The following PCDHGA12 variants were observed in gnomAD, a reference collection of about 807,000 sequenced individuals.
The protein encoded by PCDHGA12 is protocadherin gamma-A12.
In PCDHGA12, 43 loss-of-function variants were observed where a neutral mutation model predicts 61.1. That is an observed-to-expected ratio of 0.70 (90% CI 0.55 to 0.91). The LOEUF (loss-of-function observed/expected upper bound fraction) is 0.91, where lower values mean the gene tolerates loss of function less well. PCDHGA12 is among the 40% of genes least tolerant of loss of function. The pLI is 0.00. For missense variants in PCDHGA12, 1,236 were observed against 1,227.7 expected (o/e 1.01, Z -0.10); for synonymous variants, 520 against 542.9 (o/e 0.96, Z 0.59).
chr5:141,478,327 A>G lies in PCDHGA12; in HGVS notation c.2425-16480A>G, dbSNP rs149317962. The G allele has an allele frequency of 9.9e-6, 16 of 1,613,974 alleles. No homozygotes were observed. The African/African-American group carries it at 2.0e-4, about 20-fold the overall frequency. The stretch of plus-strand genomic sequence containing the variant: ...CCCCGGTGAGCTCACTGTACCGAAC[A>G]CCAGGGCCCTCCTTGCACGCGGACG... On this transcript the variant is annotated intron_variant, in intron 1 of 3. Transcript: ENST00000252085.
chr5:141,447,018 G>GT (rs1329161304), intron 1 of PCDHGA12, among the ~76,000 whole-genome samples: 6 of 142,194 alleles, frequency 4.2e-5, no homozygotes, highest in African/African-American at 1.6e-4. Context: ...GTTCAGTTTT[G>GT]TTTTGTTTTT....
Position 141,505,374 on chromosome 5 carries a change from C to T in PCDHGA12, c.2484-19C>T. The T allele has an allele frequency of 2.5e-6, 4 of 1,614,004 alleles. No homozygotes were observed. Among genetic ancestry groups the T allele is most frequent in the Non-Finnish European group, 2.5e-6 (3 of 1,179,944 alleles). On this transcript the variant is annotated intron_variant, in intron 2 of 3. Coordinates refer to ENST00000252085, the MANE Select transcript of PCDHGA12 (RefSeq NM_003735.3). Reference sequence around the variant, plus strand: ...TGCCGGCCTGGGAGTCTGTGCTCACCATCCTACTCTCTCCCCAGCTCCCAA... The same window carrying T: ...TGCCGGCCTGGGAGTCTGTGCTCACTATCCTACTCTCTCCCCAGCTCCCAA...
intron 1 of PCDHGA12, among the ~76,000 whole-genome samples, chr5:141,483,644 G>A (rs2099584188): frequency 6.8e-6 from 1 of 146,522 alleles, no homozygotes; most frequent in African/African-American, 2.7e-5. Context: ...AGAGGGGTGT[G>A]TGTTTGTGTG....
Position 141,485,606 on chromosome 5 carries a change from G to T in PCDHGA12, c.2425-9201G>T, listed in dbSNP as rs2099616630. On this transcript the variant is annotated intron_variant, in intron 1 of 3. Transcript: ENST00000252085. The surrounding 1 kb of genome is among the most constrained non-coding windows in gnomAD (Gnocchi z 5.7). ...GCAGCTGGACTTGGAAATTGGGGAG[G>T]CAGCTCCTCCAGGACAGCGTTTCCC... is the stretch of plus-strand genomic sequence containing the variant. 1.2e-6 allele frequency: 2 copies of T among 1,612,362 alleles called. No homozygotes were observed. The highest frequency in any genetic ancestry group is 4.5e-5 in the East Asian group (2 of 44,840).
chr5:141,445,303 G>A (rs145466142), intron 1 of PCDHGA12, among the ~76,000 whole-genome samples: 327 of 152,332 alleles, frequency 2.1e-3, no homozygotes, highest in African/African-American at 7.6e-3. Context: ...ATTCTCTTCA[G>A]TTTGTAGGTT....
intron 2 of PCDHGA12, among the ~76,000 whole-genome samples, chr5:141,500,148 G>A (rs936567158): frequency 6.6e-6 from 1 of 150,990 alleles, no homozygotes; most frequent in Non-Finnish European, 1.5e-5. Flanking sequence ...ACTTTTCTTT[G>A]TGTAATCAAA....
intron 2 of PCDHGA12, 35 bp from the exon 3 acceptor site, chr5:141,505,358 G>A (rs1156448862): frequency 6.2e-7 from 1 of 1,613,796 alleles, no homozygotes; most frequent in Non-Finnish European, 8.5e-7. Context: ...GTGCCGGCCT[G>A]GGAGTCTGTG....
intron 1 of PCDHGA12, among the ~76,000 whole-genome samples, chr5:141,442,633 C>A (rs1210890820): frequency 6.6e-6 from 1 of 152,158 alleles, no homozygotes; most frequent in Admixed American, 6.5e-5. Flanking sequence ...AGCAGCAAGA[C>A]CAAAGGCCTA....
intron 1 of PCDHGA12, among the ~76,000 whole-genome samples, chr5:141,456,625 C>T (rs544550965): frequency 4.6e-5 from 7 of 152,288 alleles, no homozygotes; most frequent in African/African-American, 1.4e-4. Flanking sequence ...AGATTTGCCT[C>T]TTCTTTACTA....
In PCDHGA12 at chr5:141,485,713, G is replaced by A. The variant is rs769162337; in HGVS notation, c.2425-9094G>A. The stretch of plus-strand genomic sequence containing the variant: ...TGAGCTCCAATGAACACTTTGCACT[G>A]GATGTGAAGAAGCGCAGCGACGGCA... On this transcript the variant is annotated intron_variant, in intron 1 of 3. Transcript: ENST00000252085. The surrounding 1 kb of genome is among the most constrained non-coding windows in gnomAD (Gnocchi z 5.7). 2 of 1,614,084 alleles carry A rather than the reference G, an allele frequency of 1.2e-6. No homozygotes were observed. The highest frequency in any genetic ancestry group is 1.3e-5 in the African/African-American group (1 of 74,942).
intron 1 of PCDHGA12, among the ~76,000 whole-genome samples, chr5:141,466,493 A>G (rs2099123402): frequency 6.6e-6 from 1 of 152,226 alleles, no homozygotes; most frequent in South Asian, 2.1e-4. Context: ...TTCTTTAATT[A>G]GAGCACAGAC....
chr5:141,454,081 T>C (rs1009599234), intron 1 of PCDHGA12, among the ~76,000 whole-genome samples: 2 of 152,198 alleles, frequency 1.3e-5, no homozygotes, highest in African/African-American at 4.8e-5. Flanking sequence ...ATGTTTTCAG[T>C]GAAATTTGAA....
chr5:141,498,053 G>A (rs2099781284), intron 2 of PCDHGA12, among the ~76,000 whole-genome samples: 1 of 152,204 alleles, frequency 6.6e-6, no homozygotes, highest in Non-Finnish European at 1.5e-5. Flanking sequence ...AAATAAATGT[G>A]AGACTGAAAC....
intron 1 of PCDHGA12, among the ~76,000 whole-genome samples, chr5:141,464,454 A>G (rs999305559): frequency 6.6e-6 from 1 of 151,542 alleles, no homozygotes; most frequent in Non-Finnish European, 1.5e-5. Context: ...TGTTGTTGTT[A>G]TTTTTGAAGT....
chr5:141,485,561 G>A lies in PCDHGA12; in HGVS notation c.2425-9246G>A. 1.9e-6 allele frequency: 3 copies of A among 1,613,008 alleles called. No homozygotes were observed. The highest frequency in any genetic ancestry group is 1.1e-5 in the South Asian group (1 of 91,026). ...AGAGATCGTAGATGTGAATGATCACGCCCCCCGTTTTCCGCGGCAGCAGCT... is the reference window on the plus strand; with the variant it reads ...AGAGATCGTAGATGTGAATGATCACACCCCCCGTTTTCCGCGGCAGCAGCT... On this transcript the variant is annotated intron_variant, in intron 1 of 3. Transcript: ENST00000252085. The surrounding 1 kb of genome is among the most constrained non-coding windows in gnomAD (Gnocchi z 5.7).
intron 1 of PCDHGA12, among the ~76,000 whole-genome samples, chr5:141,464,749 T>A (rs1026757405): frequency 6.6e-6 from 1 of 152,216 alleles, no homozygotes; most frequent in African/African-American, 2.4e-5. Context: ...ATCTTTTTGT[T>A]TTTTTAGAGA....
At chr5:141,458,132 G>C (rs2098938269) in intron 1 of PCDHGA12, among the ~76,000 whole-genome samples, 1 of 152,218 alleles carries the variant, frequency 6.6e-6, no homozygotes, top group South Asian at 2.1e-4. Flanking sequence ...GAACCAGGCA[G>C]AGAAAAATGA....
chr5:141,435,108 G>A lies in PCDHGA12; in HGVS notation c.2424+1925G>A, dbSNP rs1027955145. ...AACTGATCTGTTTATCTAGGGGGGA[G>A]AAATCTAATTCAATGGAAAATATAA... On this transcript the variant is annotated intron_variant, in intron 1 of 3. Transcript: ENST00000252085. Among the ~76,000 whole-genome samples, 3 of 152,144 alleles carry A rather than the reference G, an allele frequency of 2.0e-5. No homozygotes were observed. In the South Asian group the frequency reaches 6.2e-4, roughly 32 times the overall value.
rs1562144438 is a variant in PCDHGA12, at chr5:141,491,135, G to T, written c.2425-3672G>T. The T allele has an allele frequency of 6.2e-7, 1 of 1,613,986 alleles. No individual in the cohort carries two copies. Among genetic ancestry groups the T allele is most frequent in the Non-Finnish European group, 8.5e-7 (1 of 1,180,000 alleles). On this transcript the variant is annotated intron_variant, in intron 1 of 3. Transcript: ENST00000252085. This position sits in a 1 kb window ranked among gnomAD's most constrained non-coding sequence, Gnocchi z 6.9. ...CACACTGGTGAGGTGCGCACAGCCC[G>T]GGCCTTACTGGAGGATGACTCTGAC...
Sources: gnomAD v4.1 joint callset for allele counts (sites outside exome capture counted in the v4.1 genomes callset) on GRCh38, gnomAD v4.1.1 for gene constraint, Gnocchi (gnomAD v3.1) non-coding constraint, MANE v1.5 for transcripts, NCBI Gene and HGNC (gene_info 2026-07-23, HGNC 2026-07-21) for gene names.